COL26A1: variants seen among roughly 807,000 people sequenced by gnomAD.
The protein encoded by COL26A1 is collagen alpha-1(XXVI) chain.
In COL26A1, 41 loss-of-function variants were observed where a neutral mutation model predicts 59.3. That is an observed-to-expected ratio of 0.69 (90% CI 0.54 to 0.90). The LOEUF (loss-of-function observed/expected upper bound fraction) is 0.90, where lower values mean the gene tolerates loss of function less well. COL26A1 is among the 40% of genes least tolerant of loss of function. The pLI, the probability that COL26A1 is intolerant of heterozygous loss-of-function variation, is 0.00. For synonymous variants in COL26A1, 266 were observed against 256.0 expected (o/e 1.04, Z -0.37); for missense variants, 612 against 602.3 (o/e 1.02, Z -0.17).
intron 3 of COL26A1, among the ~76,000 whole-genome samples, chr7:101,456,222 C>G (rs1456048092): frequency 6.7e-6 from 1 of 149,508 alleles, no homozygotes; most frequent in East Asian, 2.0e-4. Flanking sequence ...CAGATTTTCT[C>G]TTTTTTTGAG....
intron 1 of COL26A1, among the ~76,000 whole-genome samples, chr7:101,389,274 T>C (rs28681238): frequency 0.061 from 9,354 of 152,200 alleles, 653 homozygotes; most frequent in African/African-American, 0.16. Flanking sequence ...ATTATTAAGC[T>C]GTTAGCCCTG....
chr7:101,517,294 G>A (rs1176571387), intron 3 of COL26A1, among the ~76,000 whole-genome samples: 1 of 152,182 alleles, frequency 6.6e-6, no homozygotes, highest in Non-Finnish European at 1.5e-5. Context: ...TGGGCAATGG[G>A]GCTCTGACAC....
intron 1 of COL26A1, among the ~76,000 whole-genome samples, chr7:101,375,711 G>T (rs1791298892): frequency 6.6e-6 from 1 of 151,856 alleles, no homozygotes; most frequent in Non-Finnish European, 1.5e-5. Flanking sequence ...AAATTGGCCA[G>T]GCACGGTGGC....
At chr7:101,479,426 C>T (rs1794112484) in intron 3 of COL26A1, among the ~76,000 whole-genome samples, 1 of 152,098 alleles carries the variant, frequency 6.6e-6, no homozygotes. Context: ...GTTATATTTC[C>T]TCTGCATTTT....
At position 101,374,991 on chromosome 7, in the gene COL26A1, C is replaced by T. The variant is rs577784888; in HGVS notation, c.158+11801C>T. Among the ~76,000 whole-genome samples the T allele has an allele frequency of 4.0e-5, 6 of 149,840 alleles. No individual in the cohort carries two copies. The South Asian group carries it at 6.4e-4, about 16-fold the overall frequency. On this transcript the variant is annotated intron_variant, in intron 1 of 12. Coordinates refer to ENST00000313669, the MANE Select transcript of COL26A1 (RefSeq NM_001278563.3). The stretch of plus-strand genomic sequence containing the variant: ...CAGGAGAATCGCTTGACCTGTGAAG[C>T]GGAGGTTGCAGTGAGCCGAGATCAC...
At chr7:101,536,704 T>C (rs992867513) in intron 4 of COL26A1, among the ~76,000 whole-genome samples, 1 of 152,202 alleles carries the variant, frequency 6.6e-6, no homozygotes, top group African/African-American at 2.4e-5. Flanking sequence ...GAGAGAAACC[T>C]GGCCAATGGT....
chr7:101,508,229 T>C (rs1794852147), intron 3 of COL26A1, among the ~76,000 whole-genome samples: 1 of 152,132 alleles, frequency 6.6e-6, no homozygotes, highest in African/African-American at 2.4e-5. Context: ...TGTTACAAAA[T>C]TCCTTAACCT....
intron 2 of COL26A1, among the ~76,000 whole-genome samples, chr7:101,442,642 T>G (rs1196246475): frequency 3.9e-5 from 6 of 152,190 alleles, no homozygotes; most frequent in Admixed American, 1.3e-4. Context: ...CCCAGGCTCC[T>G]TAGATAGGAA....
At chr7:101,426,535 GA>G (rs1792653003) in intron 2 of COL26A1, among the ~76,000 whole-genome samples, 1 of 152,152 alleles carries the variant, frequency 6.6e-6, no homozygotes, top group African/African-American at 2.4e-5. Context: ...AAAAAGAGAG[GA>G]AGGGGATGGG....
chr7:101,390,574 C>T (rs1270032903), intron 1 of COL26A1, among the ~76,000 whole-genome samples: 3 of 152,130 alleles, frequency 2.0e-5, no homozygotes, highest in Admixed American at 1.3e-4. Flanking sequence ...TACAGGCATG[C>T]ACTACCATGC....
At chr7:101,387,770 A>ATTTTTTTTTTTTTTTTTTTT (rs1304839639) in intron 1 of COL26A1, among the ~76,000 whole-genome samples, 2 of 36,530 alleles carry the variant, frequency 5.5e-5, no homozygotes, top group Non-Finnish European at 1.2e-4. Flanking sequence ...ATATATATAT[A>ATTTTTTTTTTTTTTTTTTTT]TATATATATT....
intron 3 of COL26A1, among the ~76,000 whole-genome samples, chr7:101,519,235 C>T (rs1350759564): frequency 2.6e-5 from 4 of 152,272 alleles, no homozygotes; most frequent in Non-Finnish European, 4.4e-5. Context: ...GGAGCTCTCC[C>T]GGATGTTACA....
intron 2 of COL26A1, among the ~76,000 whole-genome samples, chr7:101,425,205 T>C (rs906804670): frequency 2.0e-5 from 3 of 150,320 alleles, no homozygotes; most frequent in Non-Finnish European, 3.0e-5. Flanking sequence ...CCCAACATGG[T>C]GAAACCCTGT....
At chr7:101,475,635 T>C (rs1012095631) in intron 3 of COL26A1, among the ~76,000 whole-genome samples, 2 of 151,816 alleles carry the variant, frequency 1.3e-5, no homozygotes, top group African/African-American at 4.8e-5. Flanking sequence ...GTGCGTATAT[T>C]GTGGGCCTGG....
At chr7:101,544,119 T>C (rs754152395) in intron 6 of COL26A1, 23 bp downstream of exon 6, 4 of 1,560,092 alleles carry the variant, frequency 2.6e-6, no homozygotes, top group Non-Finnish European at 3.5e-6. Context: ...CCCACATATG[T>C]GATGTTGTCA....
chr7:101,555,897 C>A, intron 12 of COL26A1, 26 bp downstream of exon 12: 1 of 1,560,958 alleles, frequency 6.4e-7, no homozygotes, highest in Non-Finnish European at 8.7e-7. Flanking sequence ...GATCAGCGGG[C>A]TGGGAATCTC....
chr7:101,541,863 T>C (rs1432686556), intron 5 of COL26A1, among the ~76,000 whole-genome samples: 1 of 152,200 alleles, frequency 6.6e-6, no homozygotes, highest in Admixed American at 6.5e-5. Context: ...TCTATAAGGC[T>C]GAATCCAGGG....
At chr7:101,450,487 T>C (rs1793304069) in intron 3 of COL26A1, among the ~76,000 whole-genome samples, 1 of 152,080 alleles carries the variant, frequency 6.6e-6, no homozygotes, top group Non-Finnish European at 1.5e-5. Context: ...ATAGACTGTG[T>C]GGCATGGTCG....
intron 3 of COL26A1, among the ~76,000 whole-genome samples, chr7:101,510,783 A>T (rs1167421604): frequency 2.0e-5 from 3 of 152,066 alleles, no homozygotes; most frequent in African/African-American, 4.8e-5. Flanking sequence ...GCCTCCCAGA[A>T]CATTGGGATT....
Sources: gnomAD v4.1 joint callset for allele counts (sites outside exome capture counted in the v4.1 genomes callset) on GRCh38, gnomAD v4.1.1 for gene constraint, MANE v1.5 for transcripts, NCBI Gene and HGNC (gene_info 2026-07-23, HGNC 2026-07-21) for gene names.